The following C4orf36 variants were observed in gnomAD, a reference collection of about 807,000 sequenced individuals.
C4orf36 encodes uncharacterized protein C4orf36.
C4orf36 carries 11 observed loss-of-function variants against 12.2 expected under a neutral mutation model. The observed-to-expected ratio is 0.90, with a 90% CI of 0.57 to 1.49. The LOEUF (loss-of-function observed/expected upper bound fraction) is 1.49, where lower values mean the gene tolerates loss of function less well. Ranked by LOEUF, C4orf36 falls within the 40% of genes most tolerant of loss-of-function variation. C4orf36 has a pLI of 0.00. For missense variants in C4orf36, 137 were observed against 133.9 expected, an observed-to-expected ratio of 1.02 and a Z score of -0.11; for synonymous variants, 54 against 51.3, an observed-to-expected ratio of 1.05 and a Z score of -0.22.
At chr4:86,925,499 G>C in the C4orf36 span, 1 of 152,276 alleles carries the variant, frequency 6.6e-6, no homozygotes, top group African/African-American at 2.4e-5. Flanking sequence ...TTATAGGCAT[G>C]AGCCACCACA....
the C4orf36 span, among the ~76,000 whole-genome samples, chr4:86,905,192 G>A: frequency 2.3e-4 from 34 of 150,720 alleles, no homozygotes; most frequent in African/African-American, 8.3e-4. Flanking sequence ...GGTCAACATG[G>A]TGAAATTCTG....
chr4:86,905,992 AT>A, the C4orf36 span, among the ~76,000 whole-genome samples: 1 of 152,066 alleles, frequency 6.6e-6, no homozygotes. Context: ...AAGTGCTGGG[AT>A]TACCCACGTG....
At chr4:86,884,598 C>T (rs1747127686) in intron 4 of C4orf36, among the ~76,000 whole-genome samples, 1 of 152,146 alleles carries the variant, frequency 6.6e-6, no homozygotes, top group South Asian at 2.1e-4. Context: ...AAGCCATCAC[C>T]CCCAGCCTGA....
the C4orf36 span, among the ~76,000 whole-genome samples, chr4:86,922,847 G>C: frequency 6.6e-6 from 1 of 152,050 alleles, no homozygotes; most frequent in Non-Finnish European, 1.5e-5. Context: ...CTGAATTTTA[G>C]CCTCAGGGTT....
At chr4:86,876,600 A>G (rs1746934279) in intron 4 of C4orf36, 157 bp from the exon 5 acceptor site, 7 of 1,614,018 alleles carry the variant, frequency 4.3e-6, no homozygotes, top group Non-Finnish European at 5.9e-6. Context: ...CATACACAGA[A>G]GAACAGACAG....
At chr4:86,916,233 G>A in the C4orf36 span, among the ~76,000 whole-genome samples, 1 of 152,088 alleles carries the variant, frequency 6.6e-6, no homozygotes, top group African/African-American at 2.4e-5. Context: ...TGGGGAATAG[G>A]TATGTTGATG....
intron 2 of C4orf36, 82 bp downstream of exon 2, chr4:86,891,374 T>C: frequency 7.9e-7 from 1 of 1,260,800 alleles, no homozygotes; most frequent in Non-Finnish European, 1.1e-6. Context: ...GAGCACAGAG[T>C]GTCCAGTCCT....
chr4:86,890,728 G>C lies in C4orf36; in HGVS notation c.65+728C>G, dbSNP rs546158267. On this transcript the variant is annotated intron_variant, in intron 2 of 4. Coordinates refer to ENST00000295898, the MANE Select transcript of C4orf36 (RefSeq NM_144645.4). ...TAATCAAACGTTTAAGAAAGGAAAAGACTGCACTACAATACCACAGAGTAA... is the reference window on the plus strand; with the variant it reads ...TAATCAAACGTTTAAGAAAGGAAAACACTGCACTACAATACCACAGAGTAA... Among the ~76,000 whole-genome samples, 8 of 152,272 alleles carry C rather than the reference G, an allele frequency of 5.3e-5. No individual in the cohort carries two copies. The South Asian group carries it at 1.4e-3, about 28-fold the overall frequency.
chr4:86,928,583 AC>A, the C4orf36 span, among the ~76,000 whole-genome samples: 5 of 152,204 alleles, frequency 3.3e-5, no homozygotes, highest in Admixed American at 6.5e-5. Context: ...CGAGCAGATG[AC>A]CTGTGCCATC....
At chr4:86,911,673 GTCTGTCTC>G in the C4orf36 span, among the ~76,000 whole-genome samples, 3 of 152,096 alleles carry the variant, frequency 2.0e-5, no homozygotes, top group African/African-American at 7.2e-5. Context: ...TTGTCTGTCT[GTCTGTCTC>G]TCTGTCTCTC....
At chr4:86,882,555 C>T (rs1480466617) in intron 4 of C4orf36, among the ~76,000 whole-genome samples, 1 of 152,188 alleles carries the variant, frequency 6.6e-6, no homozygotes, top group Non-Finnish European at 1.5e-5. Context: ...CCTTGATTTA[C>T]ATCCCACACC....
upstream of C4orf36, among the ~76,000 whole-genome samples, chr4:86,894,430 G>T (rs1389905516): frequency 6.6e-6 from 1 of 152,070 alleles, no homozygotes; most frequent in Non-Finnish European, 1.5e-5. Context: ...TTTTAGAGAT[G>T]AAAAAACAGA....
At position 86,884,323 on chromosome 4, in the gene C4orf36, GA is replaced by G. The variant is rs1747120846; in HGVS notation, c.*2+3434del. The stretch of plus-strand genomic sequence containing the variant: ...AATTTTTTTTTTTTTTTTTTTTTTT[GA>G]GACACGTTCTCACTCTGCTGCCTTG... On this transcript the variant is annotated intron_variant, in intron 4 of 4. Coordinates refer to ENST00000295898, the MANE Select transcript of C4orf36 (RefSeq NM_144645.4). 6.0e-5 allele frequency among the ~76,000 whole-genome samples: 4 copies of G among 66,546 alleles called. No individual in the cohort carries two copies. In the South Asian group the frequency reaches 1.9e-3, roughly 32 times the overall value. The allele number at this position is 66,546 out of a possible 152,430, so 43.7% of individuals were successfully genotyped here. A position where few individuals can be genotyped will look rare whatever the true frequency, so the allele number is the denominator to read the frequency against.
At chr4:86,918,697 A>C in the C4orf36 span, among the ~76,000 whole-genome samples, 2 of 152,180 alleles carry the variant, frequency 1.3e-5, no homozygotes, top group African/African-American at 2.4e-5. Context: ...CCACGAGGAC[A>C]AACAGAACTA....
At chr4:86,894,201 G>T (rs919630692), upstream of C4orf36, among the ~76,000 whole-genome samples, 3 of 152,062 alleles carry the variant, frequency 2.0e-5, no homozygotes, top group Non-Finnish European at 4.4e-5. Context: ...CCGGTCTTTG[G>T]CCGGAATTTT....
At position 86,888,250 on chromosome 4, in the gene C4orf36, G is replaced by A. The variant is rs372548783; in HGVS notation, c.91C>T (p.Leu31Phe). Reference protein sequence around the residue: ...NVQEPWDIALLAKTWSTNLAN... With the variant: ...NVQEPWDIALFAKTWSTNLAN... ...AGGTTTGTGGACCAGGTCTTTGCAA[G>A]CAATGCAATATCCCAAGGTTCCTGT... The change falls in exon 3 of 5, where the codon CTT (leucine) becomes TTT (phenylalanine). Residue 31 changes from leucine to phenylalanine, a missense_variant. Transcript: ENST00000295898. 3 of 1,613,780 alleles carry A rather than the reference G, an allele frequency of 1.9e-6. No homozygotes were observed. Among genetic ancestry groups the A allele is most frequent in the African/African-American group, 1.3e-5 (1 of 74,932 alleles).
At chr4:86,913,474 T>C in the C4orf36 span, 4 of 770,430 alleles carry the variant, frequency 5.2e-6, no homozygotes, top group Admixed American at 7.1e-5. Flanking sequence ...ATGACAGACA[T>C]GTTGCGTTGG....
chr4:86,883,753 C>T (rs539885966), intron 4 of C4orf36, among the ~76,000 whole-genome samples: 13 of 152,238 alleles, frequency 8.5e-5, no homozygotes, highest in Non-Finnish European at 4.4e-5. Flanking sequence ...ATCAGCCAGG[C>T]GCGGTGGCTC....
In C4orf36 at chr4:86,884,744, G is replaced by A. The variant is rs953886586; in HGVS notation, c.*2+3014C>T. 9.2e-5 allele frequency among the ~76,000 whole-genome samples: 14 copies of A among 152,254 alleles called. No homozygotes were observed. In the East Asian group the frequency reaches 1.5e-3, roughly 17 times the overall value. On this transcript the variant is annotated intron_variant, in intron 4 of 4. Coordinates refer to ENST00000295898, the MANE Select transcript of C4orf36 (RefSeq NM_144645.4). Reference sequence around the variant, plus strand: ...GTCAATTTTGGCTTTTGTTGCCATCGCTTTTGGTGTTTTAGACATGAAGTC... The same window carrying A: ...GTCAATTTTGGCTTTTGTTGCCATCACTTTTGGTGTTTTAGACATGAAGTC...
Sources: allele counts gnomAD v4.1 joint callset (sites outside exome capture counted in the v4.1 genomes callset), GRCh38; gene constraint gnomAD v4.1.1; transcripts MANE v1.5; gene names NCBI Gene and HGNC (gene_info 2026-07-23, HGNC 2026-07-21).